The following UBXN7 variants were observed in gnomAD, a reference collection of about 807,000 sequenced individuals.
UBXN7 encodes the protein UBX domain-containing protein 7.
UBXN7 carries 9 observed loss-of-function variants against 58.0 expected under a neutral mutation model. That is an observed-to-expected ratio of 0.16 (90% CI 0.09 to 0.27). The LOEUF is 0.27. Ranked by LOEUF, UBXN7 falls within the 10% of genes least tolerant of loss-of-function variation. UBXN7 has a pLI of 1.00. For missense variants in UBXN7, 328 were observed against 599.6 expected, an observed-to-expected ratio of 0.55 and a Z score of 4.73; for synonymous variants, 208 against 205.0, an observed-to-expected ratio of 1.01 and a Z score of -0.12.
At chr3:196,401,603 G>C (rs1257140304) in intron 3 of UBXN7, among the ~76,000 whole-genome samples, 1 of 149,694 alleles carries the variant, frequency 6.7e-6, no homozygotes, top group Non-Finnish European at 1.5e-5. Context: ...AGACACCAGG[G>C]CCTGGTTGAG....
At chr3:196,369,614 G>A (rs564238356) in intron 6 of UBXN7, 103 bp from the exon 7 acceptor site, 253 of 782,950 alleles carry the variant, frequency 3.2e-4, no homozygotes, top group African/African-American at 9.7e-4. Flanking sequence ...ATATACCTCC[G>A]GCCTATGTAT....
chr3:196,386,380 TAAAA>T (rs34268326), intron 5 of UBXN7, among the ~76,000 whole-genome samples: 2 of 57,728 alleles, frequency 3.5e-5, no homozygotes, highest in African/African-American at 1.4e-4. Context: ...TAATAAACAC[TAAAA>T]AAAAAAAAAA....
At position 196,354,985 on chromosome 3, in the gene UBXN7, T is replaced by C. The variant is rs1407269161; in HGVS notation, c.*1700A>G. 2 of 152,140 alleles carry C rather than the reference T, an allele frequency of 1.3e-5. No homozygotes were observed. Among genetic ancestry groups the C allele is most frequent in the Non-Finnish European group, 2.9e-5 (2 of 68,014 alleles). 9.4% of individuals were successfully genotyped at this position (152,140 alleles called of 1,614,324 possible). A position where few individuals can be genotyped will look rare whatever the true frequency, so the allele number is the denominator to read the frequency against. On this transcript the variant is annotated 3_prime_UTR_variant, in exon 11 of 11. Coordinates refer to ENST00000296328, the MANE Select transcript of UBXN7 (RefSeq NM_015562.2). ...TTTCCATGATTTCCTTGAGGAGATATAAAACTCATTCTTTAGGGAGAGTTC... is the reference window on the plus strand; with the variant it reads ...TTTCCATGATTTCCTTGAGGAGATACAAAACTCATTCTTTAGGGAGAGTTC...
intron 1 of UBXN7, 189 bp downstream of exon 1, chr3:196,432,138 G>C (rs941903566): frequency 2.6e-6 from 2 of 756,756 alleles, no homozygotes; most frequent in Non-Finnish European, 4.6e-6. Flanking sequence ...GGTATCGGGA[G>C]CGGGGGGGGG....
intron 2 of UBXN7, 127 bp downstream of exon 2, chr3:196,407,119 A>T: frequency 7.4e-7 from 1 of 1,350,912 alleles, no homozygotes; most frequent in East Asian, 2.4e-5. Flanking sequence ...TTTCCACTTC[A>T]TACTTTTTCA....
At chr3:196,366,240 G>A (rs1475719005) in intron 8 of UBXN7, among the ~76,000 whole-genome samples, 1 of 152,122 alleles carries the variant, frequency 6.6e-6, no homozygotes, top group East Asian at 1.9e-4. Context: ...GGCTGGGCAT[G>A]GTATGGTGGT....
intron 1 of UBXN7, among the ~76,000 whole-genome samples, chr3:196,408,804 T>C (rs968056454): frequency 6.6e-6 from 1 of 152,242 alleles, no homozygotes; most frequent in Non-Finnish European, 1.5e-5. Flanking sequence ...AATGTTTTTA[T>C]AGCAATCTGT....
intron 4 of UBXN7, among the ~76,000 whole-genome samples, chr3:196,392,782 GA>G (rs1317936493): frequency 6.6e-6 from 1 of 152,056 alleles, no homozygotes; most frequent in Non-Finnish European, 1.5e-5. Flanking sequence ...CAGCCTGGGT[GA>G]CAGAGCGAGA....
chr3:196,392,138 A>C (rs892403300), intron 4 of UBXN7, among the ~76,000 whole-genome samples: 3 of 152,160 alleles, frequency 2.0e-5, no homozygotes, highest in Non-Finnish European at 4.4e-5. Context: ...TATCCCAAGG[A>C]TACAAAGAAA....
intron 1 of UBXN7, among the ~76,000 whole-genome samples, chr3:196,417,115 C>T (rs547044638): frequency 2.8e-4 from 43 of 152,198 alleles, no homozygotes; most frequent in African/African-American, 5.1e-4. Context: ...AGATCGAGAC[C>T]ATCCTGGCTA....
chr3:196,388,299 G>A (rs1729473520), intron 5 of UBXN7, among the ~76,000 whole-genome samples: 1 of 144,790 alleles, frequency 6.9e-6, no homozygotes, highest in Non-Finnish European at 1.5e-5. Flanking sequence ...GTCGGGGGCT[G>A]GGGGGCTGGG....
intron 5 of UBXN7, among the ~76,000 whole-genome samples, chr3:196,385,752 G>C (rs1729363637): frequency 6.7e-6 from 1 of 149,720 alleles, no homozygotes; most frequent in South Asian, 2.1e-4. Context: ...AGGGAGGTGG[G>C]GGGCAGCCCC....
chr3:196,372,109 G>C, intron 5 of UBXN7, 67 bp from the exon 6 acceptor site: 1 of 1,496,778 alleles, frequency 6.7e-7, no homozygotes. Context: ...TTCCGTAGTT[G>C]TTCAGAGGTT....
rs1577427111 is a variant in UBXN7 at position 196,354,728 on chromosome 3, C to T, written c.*1957G>A. The stretch of plus-strand genomic sequence containing the variant: ...CATCTTTCACTCAATAAATCAGAAG[C>T]TGCTAGTTAAGTAAGCCTCAAGAAC... On this transcript the variant is annotated 3_prime_UTR_variant, in exon 11 of 11. Transcript: ENST00000296328. 6.6e-6 allele frequency: 1 copy of T among 152,134 alleles called. No homozygotes were observed. Among genetic ancestry groups the T allele is most frequent in the Non-Finnish European group, 1.5e-5 (1 of 68,028 alleles). 9.4% of individuals were successfully genotyped at this position (152,134 alleles called of 1,614,324 possible).
intron 1 of UBXN7, chr3:196,431,870 G>A (rs1288769991): frequency 2.7e-6 from 1 of 365,098 alleles, no homozygotes; most frequent in South Asian, 1.9e-5. Flanking sequence ...AGGGCAGGCC[G>A]GGGACCGGGG....
At chr3:196,418,341 CTA>C (rs1423564726) in intron 1 of UBXN7, among the ~76,000 whole-genome samples, 2 of 152,036 alleles carry the variant, frequency 1.3e-5, no homozygotes, top group Admixed American at 6.6e-5. Flanking sequence ...TTACAGTACT[CTA>C]TACGTAAATG....
At chr3:196,401,320 CAT>C (rs34621144) in intron 3 of UBXN7, among the ~76,000 whole-genome samples, 9,477 of 69,966 alleles carry the variant, frequency 0.14, 695 homozygotes, top group East Asian at 0.46. Context: ...CACACACACA[CAT>C]ATATATATAT....
intron 5 of UBXN7, among the ~76,000 whole-genome samples, chr3:196,385,421 C>T (rs1729347137): frequency 1.3e-5 from 2 of 152,136 alleles, no homozygotes; most frequent in Admixed American, 1.3e-4. Context: ...GCCCGGCCGC[C>T]ACCCAGTCTA....
chr3:196,425,128 A>C lies in UBXN7; in HGVS notation c.73+7199T>G, dbSNP rs557548375. Among the ~76,000 whole-genome samples, 3 of 152,234 alleles carry C rather than the reference A, an allele frequency of 2.0e-5. No homozygotes were observed. In the South Asian group the frequency reaches 6.2e-4, roughly 32 times the overall value. On this transcript the variant is annotated intron_variant, in intron 1 of 10. Transcript: ENST00000296328. ...TTAGCAGCACCTTAACTTATCCAAA[A>C]CTGAGCTAACCATCTTCTCCCCACA... is the stretch of plus-strand genomic sequence containing the variant.
Sources: allele counts gnomAD v4.1 joint callset (sites outside exome capture counted in the v4.1 genomes callset), GRCh38; gene constraint gnomAD v4.1.1; transcripts MANE v1.5; gene names NCBI Gene and HGNC (gene_info 2026-07-23, HGNC 2026-07-21).